The following SLC6A8 variants were observed in gnomAD, a reference collection of about 807,000 sequenced individuals.
SLC6A8 encodes sodium- and chloride-dependent creatine transporter 1.
Under a neutral mutation model 48.3 loss-of-function variants are expected in SLC6A8, and 6 were observed. The ratio of observed to expected loss-of-function variants is 0.12; its 90% CI spans 0.07 to 0.25. SLC6A8 has a LOEUF of 0.25. Among genes scored for constraint, SLC6A8 ranks in the 10% least tolerant of loss-of-function variants. SLC6A8 has a pLI of 1.00. For synonymous variants in SLC6A8, 245 were observed against 244.0 expected (o/e 1.00, Z -0.04); for missense variants, 260 against 551.5 (o/e 0.47, Z 5.29).
At chrX:153,693,723 C>A in intron 7 of SLC6A8, 137 bp downstream of exon 7, 1 of 862,881 alleles carries the variant, frequency 1.2e-6, no homozygotes, top group South Asian at 2.1e-5. Flanking sequence ...CCTGTGGGGG[C>A]AGGTCCTGGG....
intron 1 of SLC6A8, chrX:153,689,493 C>T (rs2091444068): frequency 1.4e-6 from 1 of 726,744 alleles, no homozygotes; most frequent in Non-Finnish European, 1.6e-6. Flanking sequence ...CAAAACAGCA[C>T]TGGGGTTGCT....
rs1557043659 is a variant in SLC6A8, at chrX:153,688,526, C to A, written c.-49C>A. 4.2e-5 allele frequency: 27 copies of A among 638,199 alleles called. No individual in the cohort carries two copies. The highest frequency in any genetic ancestry group is 6.5e-5 in the South Asian group (1 of 15,469). The allele number at this position is 638,199 out of a possible 1,213,427, so 52.6% of individuals were successfully genotyped here. The stretch of plus-strand genomic sequence containing the variant: ...CGGTGCCCCCCGCCTGACCGCCGCC[C>A]CCCGTGAGGCGCCGCGACCCCGGCC... On this transcript the variant is annotated 5_prime_UTR_variant, in exon 1 of 13. Coordinates refer to ENST00000253122, the MANE Select transcript of SLC6A8 (RefSeq NM_005629.4).
At chrX:153,693,636 A>C in intron 7 of SLC6A8, 50 bp downstream of exon 7, 1 of 1,160,658 alleles carries the variant, frequency 8.6e-7, no homozygotes, top group Non-Finnish European at 1.2e-6. Flanking sequence ...TGCTACCCAG[A>C]TGCATGATGT....
At chrX:153,692,895 C>A in intron 4 of SLC6A8, 146 bp from the exon 5 acceptor site, 1 of 800,626 alleles carries the variant, frequency 1.2e-6, no homozygotes, top group African/African-American at 2.0e-5. Context: ...GCAGCCTTGC[C>A]CCTAGCTTCC....
Position 153,688,636 on chromosome X carries a change from C to A in SLC6A8, c.62C>A (p.Pro21His). The change falls in exon 1 of 13, where the codon CCC (proline) becomes CAC (histidine). Residue 21 changes from proline to histidine, a missense_variant. By Grantham distance (77) the Pro-to-His change is moderately conservative. This residue lies in a region of SLC6A8 where 50 missense variants were observed against 55.1 expected (regional missense o/e 0.91). Transcript: ENST00000253122. ...GTGTCCGGCGACGAGAAGAAGGGCC[C>A]CCTCATCGCGCCCGGGCCCGACGGG... ...YSVSGDEKKG[P>H]LIAPGPDGAP... 9.3e-7 allele frequency: 1 copy of A among 1,080,871 alleles called. No homozygotes were observed. Among genetic ancestry groups the A allele is most frequent in the Non-Finnish European group, 1.2e-6 (1 of 827,015 alleles). 89.1% of individuals were successfully genotyped at this position (1,080,871 alleles called of 1,213,427 possible).
intron 1 of SLC6A8, among the ~76,000 whole-genome samples, chrX:153,689,233 A>AACAC (rs1180962031): frequency 1.9e-5 from 2 of 107,376 alleles, no homozygotes; most frequent in Non-Finnish European, 3.9e-5. Context: ...CACACACACG[A>AACAC]ACACACACAC....
Position 153,694,337 on chromosome X carries a change from C to T in SLC6A8, c.1393-7C>T, listed in dbSNP as rs373525249. 51 of 1,208,144 alleles carry T rather than the reference C, an allele frequency of 4.2e-5. No individual in the cohort carries two copies. In the African/African-American group the frequency reaches 6.7e-4, roughly 16 times the overall value. Reference sequence around the variant, plus strand: ...GCCATCCTCCCTGACTGGGCTCTGTCCCCCAGGGCGGGATGTACGTCTTCC... The same window carrying T: ...GCCATCCTCCCTGACTGGGCTCTGTTCCCCAGGGCGGGATGTACGTCTTCC... On this transcript the variant is annotated splice_polypyrimidine_tract_variant and splice_region_variant and intron_variant, in intron 9 of 12. Coordinates refer to ENST00000253122, the MANE Select transcript of SLC6A8 (RefSeq NM_005629.4).
rs782688272 is a variant in SLC6A8 at position 153,692,077 on chromosome X, T to C, written c.747T>C (p.Cys249=). 2.5e-6 allele frequency: 3 copies of C among 1,203,952 alleles called. No homozygotes were observed. Among genetic ancestry groups the C allele is most frequent in the Non-Finnish European group, 3.4e-6 (3 of 891,601 alleles). ...LLACWVLVYF[C]VWKGVKSTGK... ...CCTGCTGGGTGCTGGTCTACTTCTG[T>C]GTCTGGAAGGGGGTCAAATCCACGG... is the stretch of plus-strand genomic sequence containing the variant. The change falls in exon 4 of 13, where the codon TGT becomes TGC. Residue 249 remains cysteine (C), a synonymous_variant. Transcript: ENST00000253122.
chrX:153,689,664 G>A, intron 1 of SLC6A8: 2 of 372,540 alleles, frequency 5.4e-6, no homozygotes, highest in Non-Finnish European at 6.9e-6. Flanking sequence ...AGGGTAGGAG[G>A]CCCAGAGAGG....
At chrX:153,689,213 C>A (rs1401809122) in intron 1 of SLC6A8, among the ~76,000 whole-genome samples, 39 of 110,725 alleles carry the variant, frequency 3.5e-4, no homozygotes, top group Non-Finnish European at 5.9e-4. Flanking sequence ...GTGTGGGCCC[C>A]CCACGTGTGC....
At chrX:153,693,659 A>G in intron 7 of SLC6A8, 73 bp downstream of exon 7, 1 of 1,093,148 alleles carries the variant, frequency 9.1e-7, no homozygotes, top group Non-Finnish European at 1.3e-6. Context: ...AGGAACATGC[A>G]ATAGAAATGC....
chrX:153,694,865 C>T lies in SLC6A8; in HGVS notation c.1743C>T (p.Leu581=), dbSNP rs782036265. 2.8e-5 allele frequency: 34 copies of T among 1,200,414 alleles called. No individual in the cohort carries two copies. Among genetic ancestry groups the T allele is most frequent in the Non-Finnish European group, 3.6e-5 (32 of 890,179 alleles). ...CVPLHLLGCL[L]RAKGTMAERW... is the part of the protein sequence containing the mutation. The stretch of plus-strand genomic sequence containing the variant: ...CGCTGCACCTCCTGGGCTGCCTCCT[C>T]AGGGCCAAGGGCACCATGGCTGAGG... The change falls in exon 12 of 13, where the codon CTC becomes CTT. Residue 581 remains leucine (L), a synonymous_variant. Transcript: ENST00000253122.
chrX:153,694,662 G>C (rs376387588), intron 11 of SLC6A8, 29 bp downstream of exon 11: 1 of 1,195,570 alleles, frequency 8.4e-7, no homozygotes, highest in East Asian at 3.0e-5. Flanking sequence ...GGGGCAGGGC[G>C]GGGGGCGAGG....
intron 2 of SLC6A8, chrX:153,690,892 A>ACCCCCCCCC (rs34305716): frequency 1.2e-4 from 21 of 168,430 alleles, no homozygotes; most frequent in African/African-American, 9.0e-4. Flanking sequence ...GCGACTAGAA[A>ACCCCCCCCC]CCCCCCCCCC....
chrX:153,692,738 GCT>G lies in SLC6A8; in HGVS notation c.778-299_778-298del, dbSNP rs782629589. The stretch of plus-strand genomic sequence containing the variant: ...CCTGCACTGCCCACACACTCATACA[GCT>G]CTCACTCCCCACGTGCTCCACGCCT... On this transcript the variant is annotated intron_variant, in intron 4 of 12. Transcript: ENST00000253122. 5 of 410,114 alleles carry G rather than the reference GCT, an allele frequency of 1.2e-5. No homozygotes were observed. In the East Asian group the frequency reaches 2.9e-4, roughly 24 times the overall value. 33.8% of individuals were successfully genotyped at this position (410,114 alleles called of 1,213,427 possible). A position where few individuals can be genotyped will look rare whatever the true frequency, so the allele number is the denominator to read the frequency against.
chrX:153,691,408 C>G lies in SLC6A8; in HGVS notation c.499C>G (p.Leu167Val). 8.3e-7 allele frequency: 1 copy of G among 1,211,245 alleles called. No individual in the cohort carries two copies. The highest frequency in any genetic ancestry group is 1.1e-6 in the Non-Finnish European group (1 of 894,714). The change falls in exon 3 of 13, where the codon CTG (leucine) becomes GTG (valine). Residue 167 changes from leucine to valine, a missense_variant. Coordinates refer to ENST00000253122, the MANE Select transcript of SLC6A8 (RefSeq NM_005629.4). ...CCTGGTCAAGTCCTTTACCACCACG[C>G]TGCCCTGGGCCACATGTGGCCACAC... ...YYLVKSFTTTLPWATCGHTWN... is the reference protein window; with the variant it reads ...YYLVKSFTTTVPWATCGHTWN...
Position 153,696,117 on chromosome X carries a change from G to C in SLC6A8, c.*903G>C, listed in dbSNP as rs1253033248. On this transcript the variant is annotated 3_prime_UTR_variant, in exon 13 of 13. Transcript: ENST00000253122. ...AAACAAAAGCTTCGAGCTGTTGCGT[G>C]TGTGAGTCTGTTGTGTGGATGTGCG... The C allele has an allele frequency of 4.8e-6, 1 of 209,859 alleles. No homozygotes were observed. The highest frequency in any genetic ancestry group is 8.9e-6 in the Non-Finnish European group (1 of 112,408). The allele number at this position is 209,859 out of a possible 1,213,427, so 17.3% of individuals were successfully genotyped here.
Position 153,688,772 on chromosome X carries a change from G to C in SLC6A8, c.198G>C (p.Val66=). ...AGATGGACTTCATCATGTCGTGCGT[G>C]GGCTTCGCCGTGGGCTTGGGCAACG... ...TRQMDFIMSC[V]GFAVGLGNVW... Residue 66 remains valine (V), a synonymous_variant, in exon 1 of 13, where the codon GTG becomes GTC. Coordinates refer to ENST00000253122, the MANE Select transcript of SLC6A8 (RefSeq NM_005629.4). The C allele has an allele frequency of 3.5e-6, 4 of 1,138,680 alleles. No homozygotes were observed. The South Asian group carries it at 7.8e-5, about 22-fold the overall frequency. 93.8% of individuals were successfully genotyped at this position (1,138,680 alleles called of 1,213,427 possible).
In SLC6A8 at chrX:153,694,391, C is replaced by G; in HGVS notation, c.1440C>G (p.Gly480=). The change falls in exon 10 of 13, where the codon GGC becomes GGG. Residue 480 remains glycine (G), a synonymous_variant. Coordinates refer to ENST00000253122, the MANE Select transcript of SLC6A8 (RefSeq NM_005629.4). ...FQLFDYYSAS[G]TTLLWQAFWE... ...TGTTTGACTACTACTCGGCCAGCGG[C>G]ACCACCCTGCTCTGGCAGGCCTTTT... 1 of 1,211,049 alleles carries G rather than the reference C, an allele frequency of 8.3e-7. No homozygotes were observed. Among genetic ancestry groups the G allele is most frequent in the Non-Finnish European group, 1.1e-6 (1 of 894,923 alleles).
Sources: allele counts gnomAD v4.1 joint callset (sites outside exome capture counted in the v4.1 genomes callset), GRCh38; gene constraint gnomAD v4.1.1; regional missense constraint gnomAD v4.1.1; transcripts MANE v1.5; gene names NCBI Gene and HGNC (gene_info 2026-07-23, HGNC 2026-07-21).